Variants in C2orf69 observed in about 807,000 individuals in gnomAD.
C2orf69 encodes the protein mitochondrial protein C2orf69.
C2orf69 carries 19 observed loss-of-function variants against 29.5 expected under a neutral mutation model. The ratio of observed to expected loss-of-function variants is 0.65; its 90% confidence interval spans 0.45 to 0.95. The LOEUF (loss-of-function observed/expected upper bound fraction) is 0.95, where lower values mean the gene tolerates loss of function less well. Among genes scored for constraint, C2orf69 ranks in the 40% least tolerant of loss-of-function variants. C2orf69 has a pLI of 0.00. For missense variants in C2orf69, 416 were observed against 482.1 expected, an observed-to-expected ratio of 0.86 and a Z score of 1.28; for synonymous variants, 194 against 180.0, an observed-to-expected ratio of 1.08 and a Z score of -0.62.
chr2:199,922,942 C>A (rs2077322633), intron 1 of C2orf69, among the ~76,000 whole-genome samples: 1 of 152,196 alleles, frequency 6.6e-6, no homozygotes, highest in Non-Finnish European at 1.5e-5. Context: ...TGATCAGCAC[C>A]TCTCCTTTTC....
At chr2:199,919,019 A>G (rs189068060) in intron 1 of C2orf69, among the ~76,000 whole-genome samples, 3 of 152,232 alleles carry the variant, frequency 2.0e-5, no homozygotes, top group Admixed American at 2.0e-4. Context: ...TGGCGTGAAC[A>G]TGGCTCACTG....
intron 1 of C2orf69, among the ~76,000 whole-genome samples, chr2:199,913,334 C>CTAATAGAATATA (rs2077279310): frequency 1.1e-5 from 1 of 91,710 alleles, no homozygotes; most frequent in Non-Finnish European, 2.0e-5. Context: ...AATATATATT[C>CTAATAGAATATA]TATTATAATA....
At chr2:199,913,393 C>CTCTATTATAAT (rs2077280343) in intron 1 of C2orf69, among the ~76,000 whole-genome samples, 1 of 73,532 alleles carries the variant, frequency 1.4e-5, no homozygotes, top group South Asian at 3.8e-4. Flanking sequence ...TATATAATAA[C>CTCTATTATAAT]ATATATTATA....
intron 1 of C2orf69, among the ~76,000 whole-genome samples, chr2:199,914,914 A>G (rs2077287553): frequency 6.6e-6 from 1 of 151,842 alleles, no homozygotes; most frequent in South Asian, 2.1e-4. Flanking sequence ...TTTCTTCTTT[A>G]TTATTACCCA....
chr2:199,923,711 G>A (rs1257159786), intron 1 of C2orf69, among the ~76,000 whole-genome samples: 3 of 152,108 alleles, frequency 2.0e-5, no homozygotes, highest in Non-Finnish European at 4.4e-5. Flanking sequence ...GTGATATTTT[G>A]GATATATTTA....
intron 1 of C2orf69, among the ~76,000 whole-genome samples, chr2:199,919,999 T>C (rs1441484724): frequency 6.6e-6 from 1 of 152,136 alleles, no homozygotes; most frequent in East Asian, 1.9e-4. Context: ...CTAACTGGAG[T>C]AGTAGGCATT....
At chr2:199,915,153 T>A (rs2077288539) in intron 1 of C2orf69, among the ~76,000 whole-genome samples, 1 of 152,248 alleles carries the variant, frequency 6.6e-6, no homozygotes, top group African/African-American at 2.4e-5. Flanking sequence ...GATTTCTTCA[T>A]CTGTATTTTT....
rs755162431 is a variant in C2orf69 at position 199,918,114 on chromosome 2, GT to G, written c.333+6344del. 1.9e-3 allele frequency among the ~76,000 whole-genome samples: 287 copies of G among 152,308 alleles called. 1 individual carries two copies. Among genetic ancestry groups the G allele is most frequent in the Non-Finnish European group, 3.2e-3 (221 of 68,034 alleles). On this transcript the variant is annotated intron_variant, in intron 1 of 1. Coordinates refer to ENST00000319974, the MANE Select transcript of C2orf69 (RefSeq NM_153689.6). ...CCATGATTCAATTACCTTCCATCGG[GT>G]CCCTCCCATGTGGGGATTATGGGAA...
Position 199,927,339 on chromosome 2 carries a change from C to T in C2orf69, c.*1453C>T, listed in dbSNP as rs1476399825. ...AAAAAAAAAAAAAAAGACACTGAAG[C>T]TTAATACCTTAATGACCCAGAAGAC... On this transcript the variant is annotated 3_prime_UTR_variant, in exon 2 of 2. Coordinates refer to ENST00000319974, the MANE Select transcript of C2orf69 (RefSeq NM_153689.6). 7.0e-6 allele frequency: 1 copy of T among 141,850 alleles called. No individual in the cohort carries two copies. Among genetic ancestry groups the T allele is most frequent in the Non-Finnish European group, 1.5e-5 (1 of 65,752 alleles). The allele number at this position is 141,850 out of a possible 1,614,324, so 8.8% of individuals were successfully genotyped here.
intron 1 of C2orf69, among the ~76,000 whole-genome samples, chr2:199,921,216 A>C (rs890021831): frequency 1.3e-5 from 2 of 151,772 alleles, no homozygotes; most frequent in Non-Finnish European, 2.9e-5. Flanking sequence ...CATGTTGGCC[A>C]GGATGGTCTC....
chr2:199,916,100 C>T (rs2077291716), intron 1 of C2orf69, among the ~76,000 whole-genome samples: 1 of 152,146 alleles, frequency 6.6e-6, no homozygotes, highest in Non-Finnish European at 1.5e-5. Context: ...GAATCAGTTC[C>T]ACAGGGCTGG....
At chr2:199,919,402 G>A (rs935032930) in intron 1 of C2orf69, among the ~76,000 whole-genome samples, 2 of 152,182 alleles carry the variant, frequency 1.3e-5, no homozygotes, top group African/African-American at 2.4e-5. Flanking sequence ...ATCTATAGAC[G>A]ATCATGCCCT....
Position 199,925,776 on chromosome 2 carries a change from A to C in C2orf69, c.1048A>C (p.Lys350Gln), listed in dbSNP as rs1559295719. 6.2e-6 allele frequency: 10 copies of C among 1,613,914 alleles called. No homozygotes were observed. The highest frequency in any genetic ancestry group is 1.7e-4 in the Middle Eastern group (1 of 6,060). Residue 350 changes from lysine (K) to glutamine (Q), a missense_variant, in exon 2 of 2, where the codon AAA becomes CAA. Around this residue, in one of 4 missense-constraint regions of C2orf69, gnomAD observed 225 missense variants for 307.3 expected, o/e 0.73. Coordinates refer to ENST00000319974, the MANE Select transcript of C2orf69 (RefSeq NM_153689.6). The surrounding 1 kb of genome is among the most constrained non-coding windows in gnomAD (Gnocchi z 4.9). ...MRSWIGKEHK[K>Q]FVQILGDLGM... Reference sequence around the variant, plus strand: ...ATCTTGGATTGGAAAGGAGCACAAGAAATTTGTTCAGATACTTGGGGATCT... The same window carrying C: ...ATCTTGGATTGGAAAGGAGCACAAGCAATTTGTTCAGATACTTGGGGATCT...
chr2:199,914,699 T>A (rs1342443117), intron 1 of C2orf69, among the ~76,000 whole-genome samples: 1 of 152,144 alleles, frequency 6.6e-6, no homozygotes, highest in Non-Finnish European at 1.5e-5. Context: ...CTCCAGCCTC[T>A]CTGGCTTTCT....
At chr2:199,921,980 C>T (rs2077317899) in intron 1 of C2orf69, among the ~76,000 whole-genome samples, 1 of 141,480 alleles carries the variant, frequency 7.1e-6, no homozygotes, top group Admixed American at 7.5e-5. Context: ...TTCTTTCACC[C>T]CATTCCCTCC....
chr2:199,922,591 A>G (rs547454989), intron 1 of C2orf69, among the ~76,000 whole-genome samples: 2 of 152,310 alleles, frequency 1.3e-5, no homozygotes, highest in South Asian at 4.1e-4. Flanking sequence ...AGTCAAAAGG[A>G]AGGTGTATTT....
At chr2:199,924,378 G>T (rs141251723) in intron 1 of C2orf69, among the ~76,000 whole-genome samples, 26 of 152,304 alleles carry the variant, frequency 1.7e-4, no homozygotes, top group South Asian at 8.3e-4. Context: ...CTGCACTCCA[G>T]CCTGGATGAC....
chr2:199,923,324 A>G (rs1280207220), intron 1 of C2orf69, among the ~76,000 whole-genome samples: 11 of 152,220 alleles, frequency 7.2e-5, no homozygotes, highest in African/African-American at 2.4e-4. Context: ...CCAGTATCGT[A>G]GCCACTAATC....
intron 1 of C2orf69, among the ~76,000 whole-genome samples, chr2:199,914,191 A>C (rs2077284856): frequency 6.6e-6 from 1 of 152,080 alleles, no homozygotes. Context: ...CTTCAGTCTC[A>C]TGGCTTTACT....
Sources: gnomAD v4.1 joint callset for allele counts (sites outside exome capture counted in the v4.1 genomes callset) on GRCh38, gnomAD v4.1.1 for gene constraint, gnomAD v4.1.1 regional missense constraint, Gnocchi (gnomAD v3.1) non-coding constraint, MANE v1.5 for transcripts, NCBI Gene and HGNC (gene_info 2026-07-23, HGNC 2026-07-21) for gene names.